GLIS3: variants seen among roughly 807,000 people sequenced by gnomAD.
GLIS3 encodes the protein GLIS family zinc finger 3.
A neutral mutation model predicts 78.6 loss-of-function variants in GLIS3; 53 were observed. The observed-to-expected ratio is 0.67, with a 90% CI of 0.54 to 0.85. The LOEUF is 0.85. GLIS3 is among the 40% of genes least tolerant of loss of function. GLIS3 has a pLI of 0.00. For synonymous variants in GLIS3, 684 were observed against 509.9 expected (o/e 1.34, Z -4.60); for missense variants, 1,703 against 1,231.1 (o/e 1.38, Z -5.74).
the GLIS3 span, among the ~76,000 whole-genome samples, chr9:4,385,828 AGAAAGAAAAAAT>A: frequency 1.6e-5 from 2 of 127,402 alleles, no homozygotes; most frequent in Non-Finnish European, 3.5e-5. Flanking sequence ...GAAAGAGAAA[AGAAAGAAAAAAT>A]GCCGTTCTTT....
rs777430874 is a variant in GLIS3 at position 4,286,252 on chromosome 9, G to C, written c.174C>G (p.Leu58=). Residue 58 remains leucine (L), a synonymous_variant, in exon 2 of 11, where the codon CTC becomes CTG. Coordinates refer to ENST00000381971, the MANE Select transcript of GLIS3 (RefSeq NM_001042413.2). ...SPTMASLANN[L]HLKMPSGGGM... ...CTCCTCCTGAGGGCATCTTGAGATG[G>C]AGGTTGTTAGCAAGGCTTGCCATAG... is the stretch of plus-strand genomic sequence containing the variant. The C allele has an allele frequency of 3.1e-6, 5 of 1,614,120 alleles. No individual in the cohort carries two copies. The African/African-American group carries it at 5.3e-5, about 17-fold the overall frequency.
intron 2 of GLIS3, among the ~76,000 whole-genome samples, chr9:4,257,516 C>G (rs537025389): frequency 1.3e-5 from 2 of 152,214 alleles, no homozygotes; most frequent in East Asian, 1.9e-4. Context: ...AGAAAGGTAA[C>G]TATATAAGAT....
chr9:4,476,471 C>T, the GLIS3 span, among the ~76,000 whole-genome samples: 1 of 152,088 alleles, frequency 6.6e-6, no homozygotes, highest in Non-Finnish European at 1.5e-5. Context: ...AAGCGATCCT[C>T]CTGCCTCAGC....
chr9:3,962,162 G>A (rs147806187), intron 4 of GLIS3, among the ~76,000 whole-genome samples: 13 of 152,252 alleles, frequency 8.5e-5, no homozygotes, highest in Middle Eastern at 6.8e-3. Flanking sequence ...TGGGGCTGCC[G>A]TGAGCCATGC....
chr9:4,012,116 G>A (rs1018558067), intron 4 of GLIS3, among the ~76,000 whole-genome samples: 1 of 152,188 alleles, frequency 6.6e-6, no homozygotes, highest in Admixed American at 6.5e-5. Context: ...GTGCTATTCA[G>A]AGAAATTTCT....
chr9:4,049,755 AAAAC>A (rs550420747), intron 4 of GLIS3, among the ~76,000 whole-genome samples: 6 of 152,320 alleles, frequency 3.9e-5, no homozygotes, highest in South Asian at 2.1e-4. Context: ...TTACAAGAAA[AAAAC>A]AAACAACCCC....
chr9:4,006,490 G>C (rs1303370366), intron 4 of GLIS3, among the ~76,000 whole-genome samples: 1 of 152,104 alleles, frequency 6.6e-6, no homozygotes, highest in Non-Finnish European at 1.5e-5. Flanking sequence ...CTGAGTTGAG[G>C]AACACTTGAG....
chr9:4,352,352 T>G (rs1031755525), upstream of GLIS3, among the ~76,000 whole-genome samples: 1 of 152,240 alleles, frequency 6.6e-6, no homozygotes, highest in African/African-American at 2.4e-5. Flanking sequence ...GCCCTTTGTG[T>G]AGAGTCCCTT....
intron 2 of GLIS3, among the ~76,000 whole-genome samples, chr9:4,336,450 T>C (rs931929185): frequency 1.4e-4 from 22 of 152,174 alleles, no homozygotes; most frequent in African/African-American, 5.1e-4. Flanking sequence ...CTTAGGATCA[T>C]TGCTACAGTT....
chr9:3,952,118 C>A (rs1816741073), intron 4 of GLIS3, among the ~76,000 whole-genome samples: 1 of 152,112 alleles, frequency 6.6e-6, no homozygotes, highest in Admixed American at 6.5e-5. Flanking sequence ...CTATTTACAG[C>A]TTCTGTTTGC....
At chr9:4,107,543 T>C (rs1045692814) in intron 4 of GLIS3, among the ~76,000 whole-genome samples, 5 of 152,256 alleles carry the variant, frequency 3.3e-5, no homozygotes, top group South Asian at 2.1e-4. Flanking sequence ...AAACAAGAAA[T>C]AAACTCTTAT....
the GLIS3 span, among the ~76,000 whole-genome samples, chr9:4,383,926 G>C: frequency 5.9e-5 from 9 of 152,322 alleles, no homozygotes; most frequent in South Asian, 2.1e-4. Context: ...TGGTCCTAGA[G>C]AGAGCACGAA....
chr9:3,936,906 C>T lies in GLIS3; in HGVS notation c.1872+122G>A, dbSNP rs1825928084. The T allele has an allele frequency of 7.4e-6, 10 of 1,347,792 alleles. No individual in the cohort carries two copies. The Admixed American group carries it at 1.7e-4, about 23-fold the overall frequency. The allele number at this position is 1,347,792 out of a possible 1,614,324, so 83.5% of individuals were successfully genotyped here. ...GCCTTTTACCAGGCTCCACTGCTGC[C>T]CTTGGCATTGTCCCTGTAACCTGCA... On this transcript the variant is annotated intron_variant, in intron 5 of 10. Transcript: ENST00000381971.
At chr9:4,483,563 C>CA in the GLIS3 span, among the ~76,000 whole-genome samples, 15 of 151,546 alleles carry the variant, frequency 9.9e-5, no homozygotes, top group East Asian at 2.5e-3. Flanking sequence ...ACTAAAAATT[C>CA]AAAAAAATTA....
intron 2 of GLIS3, among the ~76,000 whole-genome samples, chr9:4,251,698 G>A (rs1824406793): frequency 1.3e-5 from 2 of 152,080 alleles, no homozygotes; most frequent in Non-Finnish European, 2.9e-5. Context: ...TTTCTTCAGT[G>A]TCGATGGTCT....
At chr9:4,365,880 G>C in the GLIS3 span, among the ~76,000 whole-genome samples, 1 of 152,196 alleles carries the variant, frequency 6.6e-6, no homozygotes, top group Non-Finnish European at 1.5e-5. Context: ...CCACCCCAAA[G>C]GGTCAAGGAG....
intron 2 of GLIS3, among the ~76,000 whole-genome samples, chr9:4,153,502 T>G (rs1834833994): frequency 6.6e-6 from 1 of 152,128 alleles, no homozygotes; most frequent in Admixed American, 6.5e-5. Context: ...AGGCAGAGGT[T>G]GCAGTGAGCT....
chr9:3,886,063 T>G (rs1731128648), intron 7 of GLIS3, among the ~76,000 whole-genome samples: 1 of 152,200 alleles, frequency 6.6e-6, no homozygotes, highest in Admixed American at 6.5e-5. Flanking sequence ...ACTGTTGCTA[T>G]TATTTGGCTA....
At chr9:4,067,157 T>C (rs181649619) in intron 4 of GLIS3, among the ~76,000 whole-genome samples, 5,969 of 125,464 alleles carry the variant, frequency 0.048, 142 homozygotes, top group South Asian at 0.089. Flanking sequence ...TAGAATCTTC[T>C]TTTATTTTTT....
Sources: gnomAD v4.1 joint callset for allele counts (sites outside exome capture counted in the v4.1 genomes callset) on GRCh38, gnomAD v4.1.1 for gene constraint, MANE v1.5 for transcripts, NCBI Gene and HGNC (gene_info 2026-07-23, HGNC 2026-07-21) for gene names.